Variants in ZDHHC11B observed in about 807,000 individuals in gnomAD.
ZDHHC11B encodes probable palmitoyltransferase ZDHHC11B.
A neutral mutation model predicts 42.3 loss-of-function variants in ZDHHC11B; 17 were observed. The ratio of observed to expected loss-of-function variants is 0.40; its 90% CI spans 0.27 to 0.60. The LOEUF is 0.60. Among genes scored for constraint, ZDHHC11B ranks in the 20% least tolerant of loss-of-function variants. The pLI is 0.41. For missense variants in ZDHHC11B, 262 were observed against 463.2 expected, an observed-to-expected ratio of 0.57 and a Z score of 3.99; for synonymous variants, 123 against 193.5, an observed-to-expected ratio of 0.64 and a Z score of 3.02.
At chr5:762,874 C>T (rs186712090) in intron 4 of ZDHHC11B, among the ~76,000 whole-genome samples, 39 of 151,560 alleles carry the variant, frequency 2.6e-4, no homozygotes, top group Admixed American at 2.4e-3. Context: ...AAAAAGCTGA[C>T]TCTTTTCAAG....
chr5:776,911 CCT>C (rs1400392848), intron 1 of ZDHHC11B, among the ~76,000 whole-genome samples: 1 of 151,898 alleles, frequency 6.6e-6, no homozygotes, highest in Non-Finnish European at 1.5e-5. Flanking sequence ...CGGGACTCTC[CCT>C]GTGAACCGCC....
At position 718,001 on chromosome 5, in the gene ZDHHC11B, G is replaced by T. The variant is rs1365816448; in HGVS notation, c.1059-1136C>A. ...AAGTGCAAGGAAAAATTACACAGAA[G>T]GAAGTGACAGGACTCAGTAAGTAAA... On this transcript the variant is annotated intron_variant, in intron 12 of 13. Transcript: ENST00000508859. 1.3e-5 allele frequency among the ~76,000 whole-genome samples: 2 copies of T among 151,764 alleles called. 1 individual carries two copies. Among genetic ancestry groups the T allele is most frequent in the African/African-American group, 4.9e-5 (2 of 41,192 alleles).
At chr5:741,994 G>GGGT (rs1744214123) in intron 9 of ZDHHC11B, among the ~76,000 whole-genome samples, 1 of 135,090 alleles carries the variant, frequency 7.4e-6, no homozygotes, top group African/African-American at 2.7e-5. Flanking sequence ...GCATTCTCCT[G>GGGT]GGTGTGTGGT....
intron 1 of ZDHHC11B, among the ~76,000 whole-genome samples, chr5:775,136 C>T (rs1244546399): frequency 6.6e-6 from 1 of 151,962 alleles, no homozygotes; most frequent in African/African-American, 2.4e-5. Flanking sequence ...TCTGGCCTCC[C>T]TGAGAACCTC....
chr5:745,108 G>A, intron 9 of ZDHHC11B, 75 bp downstream of exon 9: 1 of 1,278,330 alleles, frequency 7.8e-7, no homozygotes, highest in South Asian at 1.3e-5. Context: ...GAGCATGGCT[G>A]AGAGGTCCCA....
At chr5:775,573 G>GCGTGCTTCTGCCTGGCAGGAGCCGATGCT (rs1736406012) in intron 1 of ZDHHC11B, among the ~76,000 whole-genome samples, 1 of 151,636 alleles carries the variant, frequency 6.6e-6, no homozygotes, top group Non-Finnish European at 1.5e-5. Context: ...CAGGAGCCCC[G>GCGTGCTTCTGCCTGGCAGGAGCCGATGCT]CGTGCTTCTG....
intron 9 of ZDHHC11B, among the ~76,000 whole-genome samples, chr5:742,603 G>A (rs868403452): frequency 2.7e-5 from 4 of 148,956 alleles, no homozygotes; most frequent in African/African-American, 9.9e-5. Context: ...GCTTTTAGCA[G>A]TAAAGCACTT....
At chr5:726,826 T>G (rs1301425325) in intron 12 of ZDHHC11B, among the ~76,000 whole-genome samples, 5 of 103,248 alleles carry the variant, frequency 4.8e-5, no homozygotes, top group African/African-American at 2.1e-4. Context: ...AACATATATT[T>G]TTTTTCAAAG....
At position 767,525 on chromosome 5, in the gene ZDHHC11B, C is replaced by G; in HGVS notation, c.-133-1G>C. On this transcript the variant is annotated splice_acceptor_variant, in intron 2 of 13. Transcript: ENST00000508859. LOFTEE classifies it low-confidence loss of function (5UTR_SPLICE). ...GTAGTGGCACTGGAGAGAAAGGTGA[C>G]TGGGAGGAAGAGGAGAAAGAGAGCA... The G allele has an allele frequency of 6.9e-7, 1 of 1,454,248 alleles. No individual in the cohort carries two copies. The highest frequency in any genetic ancestry group is 2.3e-5 in the East Asian group (1 of 42,716). 90.1% of individuals were successfully genotyped at this position (1,454,248 alleles called of 1,614,324 possible).
intron 13 of ZDHHC11B, among the ~76,000 whole-genome samples, chr5:715,387 C>A (rs1190687988): frequency 6.6e-6 from 1 of 151,380 alleles, no homozygotes; most frequent in African/African-American, 2.4e-5. Flanking sequence ...GTGGGAGGAG[C>A]ACGTAGACTC....
At chr5:776,898 C>G (rs548049789) in intron 1 of ZDHHC11B, among the ~76,000 whole-genome samples, 6 of 152,002 alleles carry the variant, frequency 3.9e-5, no homozygotes, top group East Asian at 1.9e-4. Context: ...CCCTCCTGCT[C>G]CGCGGGACTC....
At chr5:761,129 C>T (rs1734556074) in intron 4 of ZDHHC11B, among the ~76,000 whole-genome samples, 1 of 151,884 alleles carries the variant, frequency 6.6e-6, no homozygotes, top group African/African-American at 2.4e-5. Context: ...CATCTGGGGG[C>T]TGTTGGAGAA....
At chr5:712,916 A>ACG (rs1450406508) in intron 13 of ZDHHC11B, among the ~76,000 whole-genome samples, 44 of 120,682 alleles carry the variant, frequency 3.6e-4, no homozygotes, top group Admixed American at 5.9e-4. Flanking sequence ...CTAAATACAT[A>ACG]TGTGTGTGTG....
At chr5:714,027 C>A (rs868106386) in intron 13 of ZDHHC11B, among the ~76,000 whole-genome samples, 15,717 of 129,620 alleles carry the variant, frequency 0.12, 1,600 homozygotes, top group Non-Finnish European at 0.2. Context: ...GCCTTCAACC[C>A]TGGCCTGAGA....
rs559971789 is a variant in ZDHHC11B, at chr5:783,767, A to G, written c.-230+901T>C. On this transcript the variant is annotated intron_variant, in intron 1 of 13. Coordinates refer to ENST00000508859, the MANE Select transcript of ZDHHC11B (RefSeq NM_001351303.2). ...AAACAGCAGCCCCCAAATACCCATC[A>G]AAACAGCAGCCCCCAAACCCCATCA... 5.0e-3 allele frequency among the ~76,000 whole-genome samples: 354 copies of G among 70,566 alleles called. 4 individuals carry two copies. The highest frequency in any genetic ancestry group is 8.4e-3 in the Non-Finnish European group (289 of 34,452). 46.3% of individuals were successfully genotyped at this position (70,566 alleles called of 152,430 possible).
intron 11 of ZDHHC11B, among the ~76,000 whole-genome samples, chr5:731,733 T>C (rs1478097994): frequency 6.6e-6 from 1 of 151,914 alleles, no homozygotes; most frequent in Non-Finnish European, 1.5e-5. Flanking sequence ...TTTTGTGAAA[T>C]AGTGTTTTTG....
At chr5:751,499 GTGCAGA>G in intron 6 of ZDHHC11B, among the ~76,000 whole-genome samples, 1 of 36,440 alleles carries the variant, frequency 2.7e-5, no homozygotes, top group African/African-American at 7.4e-5. Context: ...CAGGTGGGGG[GTGCAGA>G]GGCAGGGGCA....
At chr5:728,406 C>G (rs543694965) in intron 12 of ZDHHC11B, among the ~76,000 whole-genome samples, 2 of 151,962 alleles carry the variant, frequency 1.3e-5, no homozygotes, top group Non-Finnish European at 2.9e-5. Context: ...TATCTGACAA[C>G]CTTGGCACAA....
At chr5:748,673 C>G (rs536438293) in intron 7 of ZDHHC11B, 114 bp from the exon 8 acceptor site, 2 of 1,135,160 alleles carry the variant, frequency 1.8e-6, no homozygotes, top group East Asian at 7.2e-5. Flanking sequence ...ACAGCCAGCA[C>G]GAGGGATGCC....
Sources: gnomAD v4.1 joint callset for allele counts (sites outside exome capture counted in the v4.1 genomes callset) on GRCh38, gnomAD v4.1.1 for gene constraint, MANE v1.5 for transcripts, NCBI Gene and HGNC (gene_info 2026-07-23, HGNC 2026-07-21) for gene names.